The following SGCZ variants were observed in gnomAD, a reference collection of about 807,000 sequenced individuals.
SGCZ encodes the protein zeta-sarcoglycan.
Under a neutral mutation model 41.3 loss-of-function variants are expected in SGCZ, and 40 were observed. That is an observed-to-expected ratio of 0.97 (90% CI 0.75 to 1.26). SGCZ has a LOEUF of 1.26. SGCZ is among the 50% of genes most tolerant of loss of function. SGCZ has a pLI of 0.00. For synonymous variants in SGCZ, 206 were observed against 137.5 expected (o/e 1.50, Z -3.49); for missense variants, 552 against 369.8 (o/e 1.49, Z -4.04).
intron 1 of SGCZ, among the ~76,000 whole-genome samples, chr8:15,232,085 T>A (rs1413739214): frequency 6.6e-6 from 1 of 152,232 alleles, no homozygotes; most frequent in Non-Finnish European, 1.5e-5. Context: ...CCAATTTAAA[T>A]GCATATTCTC....
chr8:14,213,321 C>A (rs1012597285), intron 4 of SGCZ, among the ~76,000 whole-genome samples: 2 of 152,040 alleles, frequency 1.3e-5, no homozygotes, highest in African/African-American at 4.8e-5. Context: ...GCATGCATTA[C>A]CTTTAGGGGA....
Position 14,554,936 on chromosome 8 carries a change from AAAAAAGAAAGAAAGAGAAAGAAGG to A in SGCZ, c.40-34_40-11del. 6.5e-7 allele frequency: 1 copy of A among 1,535,980 alleles called. No individual in the cohort carries two copies. Among genetic ancestry groups the A allele is most frequent in the Non-Finnish European group, 8.8e-7 (1 of 1,140,372 alleles). On this transcript the variant is annotated splice_polypyrimidine_tract_variant and intron_variant, in intron 1 of 7. Transcript: ENST00000382080. ...ATTGTTCTCGTGTCATCTGAAAAAG[AAAAAAGAAAGAAAGAGAAAGAAGG>A]AAAAAAAAAGAAGCATTAAAAAAAA...
At chr8:14,330,375 A>G (rs1802270750) in intron 2 of SGCZ, among the ~76,000 whole-genome samples, 1 of 152,148 alleles carries the variant, frequency 6.6e-6, no homozygotes. Flanking sequence ...TGTGAAGATC[A>G]CAATTACTAA....
chr8:14,885,249 A>T (rs1585348623), intron 1 of SGCZ, among the ~76,000 whole-genome samples: 1 of 152,130 alleles, frequency 6.6e-6, no homozygotes, highest in Non-Finnish European at 1.5e-5. Flanking sequence ...AGTTTTACCT[A>T]GCATTGTATT....
rs554944961 is a variant in SGCZ at position 15,221,394 on chromosome 8, C to G, written c.39+16191G>C. 3.9e-5 allele frequency among the ~76,000 whole-genome samples: 6 copies of G among 152,206 alleles called. No individual in the cohort carries two copies. In the South Asian group the frequency reaches 6.2e-4, roughly 16 times the overall value. On this transcript the variant is annotated intron_variant, in intron 1 of 7. Transcript: ENST00000382080. ...ACGGGATCCTAGAAAGAACAGAACT[C>G]TTTCTCTCATCTCTGATCTGCCTCA...
At chr8:14,752,489 C>T (rs1799529225) in intron 1 of SGCZ, among the ~76,000 whole-genome samples, 1 of 151,986 alleles carries the variant, frequency 6.6e-6, no homozygotes, top group African/African-American at 2.4e-5. Flanking sequence ...TCAAAATTAC[C>T]ATCTCAATCT....
At chr8:15,014,220 G>A (rs752318729) in intron 1 of SGCZ, among the ~76,000 whole-genome samples, 1 of 152,184 alleles carries the variant, frequency 6.6e-6, no homozygotes, top group East Asian at 1.9e-4. Flanking sequence ...ATGCTGGAAT[G>A]ACGCTGTCAA....
At chr8:14,650,270 C>T (rs964808898) in intron 1 of SGCZ, among the ~76,000 whole-genome samples, 1 of 152,086 alleles carries the variant, frequency 6.6e-6, no homozygotes, top group Non-Finnish European at 1.5e-5. Context: ...TGACTCCCCA[C>T]TCTTCATCTT....
chr8:14,391,485 G>T (rs1804770522), intron 2 of SGCZ, among the ~76,000 whole-genome samples: 1 of 152,006 alleles, frequency 6.6e-6, no homozygotes, highest in African/African-American at 2.4e-5. Context: ...TTGTATTCCG[G>T]CCCATAAGGA....
intron 5 of SGCZ, among the ~76,000 whole-genome samples, chr8:14,146,143 A>T (rs780123838): frequency 2.0e-5 from 3 of 152,194 alleles, no homozygotes; most frequent in Non-Finnish European, 4.4e-5. Flanking sequence ...CTCTCAAGGC[A>T]TTTAGTTATC....
At chr8:15,012,472 T>A (rs1057001226) in intron 1 of SGCZ, among the ~76,000 whole-genome samples, 1 of 140,464 alleles carries the variant, frequency 7.1e-6, no homozygotes, top group Admixed American at 7.3e-5. Flanking sequence ...AAAAAATAAA[T>A]ATAAATATAT....
intron 1 of SGCZ, among the ~76,000 whole-genome samples, chr8:14,857,593 G>A (rs1347134969): frequency 6.6e-6 from 1 of 152,210 alleles, no homozygotes; most frequent in Non-Finnish European, 1.5e-5. Context: ...GCCAGGTGCA[G>A]TGGCTCATGC....
At chr8:14,481,596 C>T (rs1300483244) in intron 2 of SGCZ, among the ~76,000 whole-genome samples, 1 of 152,060 alleles carries the variant, frequency 6.6e-6, no homozygotes. Flanking sequence ...ACATATAACT[C>T]TAGAAGACAC....
chr8:15,051,010 C>A (rs996367402), intron 1 of SGCZ, among the ~76,000 whole-genome samples: 9 of 152,182 alleles, frequency 5.9e-5, no homozygotes, highest in African/African-American at 2.2e-4. Flanking sequence ...ATTTGTAGAA[C>A]AATAATCACT....
chr8:15,017,684 T>C (rs1232038815), intron 1 of SGCZ, among the ~76,000 whole-genome samples: 1 of 152,002 alleles, frequency 6.6e-6, no homozygotes, highest in Non-Finnish European at 1.5e-5. Context: ...TTTTCATATT[T>C]TTACAGAGAC....
intron 1 of SGCZ, among the ~76,000 whole-genome samples, chr8:14,591,851 T>C (rs1485871442): frequency 1.3e-5 from 2 of 152,184 alleles, no homozygotes; most frequent in Non-Finnish European, 2.9e-5. Context: ...CTTTCCTCTA[T>C]ATTGTCGATT....
At chr8:14,567,241 G>A (rs564425054) in intron 1 of SGCZ, among the ~76,000 whole-genome samples, 2 of 152,322 alleles carry the variant, frequency 1.3e-5, no homozygotes, top group Admixed American at 6.5e-5. Flanking sequence ...CTTGGGACTT[G>A]CAGGCAACTC....
intron 1 of SGCZ, among the ~76,000 whole-genome samples, chr8:15,045,126 T>C (rs529560410): frequency 1.2e-4 from 19 of 152,116 alleles, no homozygotes; most frequent in African/African-American, 4.6e-4. Flanking sequence ...ATATTACACT[T>C]GGGTTATTTG....
chr8:14,828,734 C>G (rs546345762), intron 1 of SGCZ, among the ~76,000 whole-genome samples: 10 of 152,248 alleles, frequency 6.6e-5, no homozygotes, highest in Non-Finnish European at 1.5e-5. Flanking sequence ...GTGCCAAAGA[C>G]CAACAACATC....
Sources: gnomAD v4.1 joint callset for allele counts (sites outside exome capture counted in the v4.1 genomes callset) on GRCh38, gnomAD v4.1.1 for gene constraint, MANE v1.5 for transcripts, NCBI Gene and HGNC (gene_info 2026-07-23, HGNC 2026-07-21) for gene names.